Variants in CPNE8 observed in about 807,000 individuals in gnomAD.
The protein encoded by CPNE8 is copine 8.
A neutral mutation model predicts 81.5 loss-of-function variants in CPNE8; 45 were observed. The ratio of observed to expected loss-of-function variants is 0.55; its 90% CI spans 0.44 to 0.71. The LOEUF is 0.71. CPNE8 is among the 30% of genes least tolerant of loss of function. The pLI is 0.00. For synonymous variants in CPNE8, 252 were observed against 226.3 expected, an observed-to-expected ratio of 1.11 and a Z score of -1.02; for missense variants, 594 against 672.1, an observed-to-expected ratio of 0.88 and a Z score of 1.28.
intron 6 of CPNE8, among the ~76,000 whole-genome samples, chr12:38,826,893 G>A (rs1267354740): frequency 6.6e-6 from 1 of 151,664 alleles, no homozygotes; most frequent in African/African-American, 2.4e-5. Context: ...ACATAGGCTG[G>A]GTGCAGTGGC....
chr12:38,841,983 T>G (rs1943474719), intron 4 of CPNE8, among the ~76,000 whole-genome samples: 2 of 151,392 alleles, frequency 1.3e-5, no homozygotes, highest in African/African-American at 4.9e-5. Flanking sequence ...CCTGTTTACC[T>G]ACATAAATGA....
At chr12:38,701,448 A>G (rs1433543705) in intron 14 of CPNE8, among the ~76,000 whole-genome samples, 1 of 152,028 alleles carries the variant, frequency 6.6e-6, no homozygotes, top group African/African-American at 2.4e-5. Flanking sequence ...CTAGTATTTT[A>G]AAGCAGTTGG....
At chr12:38,659,159 T>C (rs546840744) in intron 19 of CPNE8, among the ~76,000 whole-genome samples, 51 of 150,254 alleles carry the variant, frequency 3.4e-4, no homozygotes, top group Middle Eastern at 3.4e-3. Flanking sequence ...CAATCTCACA[T>C]GCAGAGACAC....
chr12:38,713,701 G>A (rs554754855), intron 13 of CPNE8, among the ~76,000 whole-genome samples: 1 of 152,238 alleles, frequency 6.6e-6, no homozygotes, highest in Admixed American at 6.5e-5. Flanking sequence ...TCTGTGTTCA[G>A]ACCTATAAAA....
intron 6 of CPNE8, among the ~76,000 whole-genome samples, chr12:38,805,522 G>C (rs1471626714): frequency 9.3e-6 from 1 of 107,728 alleles, no homozygotes; most frequent in Non-Finnish European, 1.9e-5. Context: ...GGGGTCGGGG[G>C]ATGGGGGAGG....
chr12:38,815,329 T>A (rs1190543339), intron 6 of CPNE8, among the ~76,000 whole-genome samples: 1 of 152,224 alleles, frequency 6.6e-6, no homozygotes, highest in Non-Finnish European at 1.5e-5. Flanking sequence ...TAGCCTTTTA[T>A]TTTTACAATC....
intron 3 of CPNE8, among the ~76,000 whole-genome samples, chr12:38,867,337 TG>T (rs1943930352): frequency 7.3e-6 from 1 of 137,158 alleles, no homozygotes; most frequent in Non-Finnish European, 1.5e-5. Context: ...TGTGTGTGTG[TG>T]TGAGAGAGAG....
rs531200712 is a variant in CPNE8, at chr12:38,693,846, C to T, written c.962-8G>A. ...TGGGCTGAGCAGGGTTGCCTGATGA[C>T]AGAACACATATTTCAAACATAAGCA... On this transcript the variant is annotated splice_polypyrimidine_tract_variant and splice_region_variant and intron_variant, in intron 14 of 19. Coordinates refer to ENST00000331366, the MANE Select transcript of CPNE8 (RefSeq NM_153634.3). 7 of 1,573,910 alleles carry T rather than the reference C, an allele frequency of 4.4e-6. No homozygotes were observed. The East Asian group carries it at 1.4e-4, about 31-fold the overall frequency.
rs560352882 is a variant in CPNE8 at position 38,679,260 on chromosome 12, T to A, written c.1272-1706A>T. 6.6e-5 allele frequency among the ~76,000 whole-genome samples: 10 copies of A among 151,986 alleles called. No homozygotes were observed. In the East Asian group the frequency reaches 1.9e-3, roughly 29 times the overall value. ...GACAGCTGACTACTATGCAGTCATA[T>A]AAAATACTGCTTCCAGTGGCTTAAC... On this transcript the variant is annotated intron_variant, in intron 16 of 19. Coordinates refer to ENST00000331366, the MANE Select transcript of CPNE8 (RefSeq NM_153634.3).
chr12:38,761,332 A>G (rs765242857), intron 9 of CPNE8, among the ~76,000 whole-genome samples: 13 of 152,308 alleles, frequency 8.5e-5, no homozygotes, highest in Middle Eastern at 3.4e-3. Flanking sequence ...TTGAATTTCT[A>G]TGAGATCACC....
chr12:38,762,647 G>C (rs1481189749), intron 8 of CPNE8, among the ~76,000 whole-genome samples: 1 of 152,180 alleles, frequency 6.6e-6, no homozygotes, highest in African/African-American at 2.4e-5. Context: ...TGAACTTTTA[G>C]TCTAGCTGTG....
intron 19 of CPNE8, among the ~76,000 whole-genome samples, chr12:38,662,639 TC>T (rs1214715334): frequency 2.0e-5 from 3 of 151,958 alleles, no homozygotes; most frequent in Non-Finnish European, 4.4e-5. Context: ...AAAAACACAA[TC>T]CTAAAATTTG....
chr12:38,897,910 C>T (rs1385209849), intron 1 of CPNE8, among the ~76,000 whole-genome samples: 1 of 152,068 alleles, frequency 6.6e-6, no homozygotes, highest in Non-Finnish European at 1.5e-5. Flanking sequence ...TTATTATCCC[C>T]ACTTTACAGA....
At chr12:38,793,592 C>A (rs1942380444) in intron 6 of CPNE8, among the ~76,000 whole-genome samples, 1 of 151,800 alleles carries the variant, frequency 6.6e-6, no homozygotes, top group Non-Finnish European at 1.5e-5. Flanking sequence ...GTTAAGACAT[C>A]TCATGTTCAT....
At chr12:38,901,816 T>G (rs1023685534) in intron 1 of CPNE8, among the ~76,000 whole-genome samples, 1 of 152,146 alleles carries the variant, frequency 6.6e-6, no homozygotes, top group African/African-American at 2.4e-5. Flanking sequence ...CTTTGTAATA[T>G]ACTCCAAGCA....
At chr12:38,891,366 T>C (rs1415995833) in intron 1 of CPNE8, among the ~76,000 whole-genome samples, 2 of 152,112 alleles carry the variant, frequency 1.3e-5, no homozygotes, top group African/African-American at 4.8e-5. Context: ...GAACGTTATA[T>C]AAACAAAGAT....
intron 6 of CPNE8, among the ~76,000 whole-genome samples, chr12:38,818,067 G>T (rs1452124740): frequency 6.6e-6 from 1 of 152,110 alleles, no homozygotes; most frequent in Non-Finnish European, 1.5e-5. Context: ...AACAGTACTT[G>T]TCTAGCTCGT....
At chr12:38,851,707 T>A (rs1418018756) in intron 3 of CPNE8, among the ~76,000 whole-genome samples, 1 of 152,240 alleles carries the variant, frequency 6.6e-6, no homozygotes, top group Non-Finnish European at 1.5e-5. Flanking sequence ...TCCAGAATAA[T>A]CTTTTGAAAA....
chr12:38,711,899 C>T (rs891496009), intron 13 of CPNE8, among the ~76,000 whole-genome samples: 1 of 152,056 alleles, frequency 6.6e-6, no homozygotes, highest in South Asian at 2.1e-4. Flanking sequence ...GATAATGTTC[C>T]ATGTGAAAAT....
Sources: allele counts gnomAD v4.1 joint callset (sites outside exome capture counted in the v4.1 genomes callset), GRCh38; gene constraint gnomAD v4.1.1; transcripts MANE v1.5; gene names NCBI Gene and HGNC (gene_info 2026-07-23, HGNC 2026-07-21).